Variants in NXPE4 observed in about 807,000 individuals in gnomAD.
The protein encoded by NXPE4 is NXPE family member 4.
A neutral mutation model predicts 33.3 loss-of-function variants in NXPE4; 42 were observed. The ratio of observed to expected loss-of-function variants is 1.26; its 90% CI spans 0.98 to 1.63. The LOEUF is 1.63. Among genes scored for constraint, NXPE4 ranks in the 40% most tolerant of loss-of-function variants. NXPE4 has a pLI of 0.00. For missense variants in NXPE4, 709 were observed against 647.6 expected, an observed-to-expected ratio of 1.09 and a Z score of -1.03; for synonymous variants, 253 against 234.9, an observed-to-expected ratio of 1.08 and a Z score of -0.71.
chr11:114,638,950 T>C, the NXPE4 span, among the ~76,000 whole-genome samples: 7 of 152,102 alleles, frequency 4.6e-5, no homozygotes, highest in Admixed American at 3.3e-4. Context: ...TCTGCCCATT[T>C]TCAGATCTCC....
At chr11:114,633,587 A>G in the NXPE4 span, among the ~76,000 whole-genome samples, 1 of 151,412 alleles carries the variant, frequency 6.6e-6, no homozygotes, top group Non-Finnish European at 1.5e-5. Context: ...AGCATTAGGT[A>G]TATCTCATAA....
the NXPE4 span, among the ~76,000 whole-genome samples, chr11:114,660,203 T>G: frequency 6.6e-6 from 1 of 152,004 alleles, no homozygotes; most frequent in Admixed American, 6.6e-5. Flanking sequence ...GCCTAAATGG[T>G]TTTATTTGCA....
At chr11:114,592,031 A>G (rs1591354752) in intron 2 of NXPE4, among the ~76,000 whole-genome samples, 1 of 152,218 alleles carries the variant, frequency 6.6e-6, no homozygotes, top group Non-Finnish European at 1.5e-5. Context: ...GTACCTCAAA[A>G]CAATAAAAAA....
the NXPE4 span, among the ~76,000 whole-genome samples, chr11:114,663,586 CATCTATCTATCTATCT>C: frequency 1.3e-4 from 17 of 132,990 alleles, no homozygotes; most frequent in African/African-American, 3.4e-4. Flanking sequence ...CTCTATCTAT[CATCTATCTATCTATCT>C]ATCTATCTAT....
the NXPE4 span, among the ~76,000 whole-genome samples, chr11:114,633,719 G>GT: frequency 1.3e-5 from 2 of 151,602 alleles, no homozygotes; most frequent in Admixed American, 6.6e-5. Flanking sequence ...GTGGCGTTTG[G>GT]TTTTTTGTCC....
chr11:114,659,011 A>G, the NXPE4 span, among the ~76,000 whole-genome samples: 8 of 152,312 alleles, frequency 5.3e-5, no homozygotes, highest in Non-Finnish European at 8.8e-5. Context: ...AACACTGAGA[A>G]AAACCCTTTG....
the NXPE4 span, among the ~76,000 whole-genome samples, chr11:114,614,322 C>G: frequency 6.6e-6 from 1 of 151,490 alleles, no homozygotes; most frequent in East Asian, 2.0e-4. Context: ...CGTAGGTAAC[C>G]ACGGTTACCT....
At chr11:114,622,317 A>G in the NXPE4 span, among the ~76,000 whole-genome samples, 1 of 151,866 alleles carries the variant, frequency 6.6e-6, no homozygotes, top group South Asian at 2.1e-4. Context: ...CTCATGGGGA[A>G]CCACTGTTAC....
the NXPE4 span, among the ~76,000 whole-genome samples, chr11:114,610,734 G>A: frequency 6.6e-6 from 1 of 151,938 alleles, no homozygotes; most frequent in Admixed American, 6.6e-5. Context: ...GGTAACCACT[G>A]TTGCCCTTTG....
At chr11:114,571,536 T>G (rs1948886924) in intron 5 of NXPE4, 63 bp from the exon 6 acceptor site, 9 of 1,390,220 alleles carry the variant, frequency 6.5e-6, no homozygotes, top group Non-Finnish European at 8.8e-6. Flanking sequence ...TGAGTAGATA[T>G]AAAGATGGAA....
At chr11:114,633,027 T>C in the NXPE4 span, among the ~76,000 whole-genome samples, 1 of 111,418 alleles carries the variant, frequency 9.0e-6, no homozygotes, top group African/African-American at 3.7e-5. Flanking sequence ...ATATATAATG[T>C]AATATTTTAT....
chr11:114,616,947 G>C, the NXPE4 span, among the ~76,000 whole-genome samples: 1 of 146,674 alleles, frequency 6.8e-6, no homozygotes, highest in Non-Finnish European at 1.5e-5. Context: ...TTGCCTTGTG[G>C]GTATCCACTC....
At chr11:114,577,056 TAC>T (rs201632119) in intron 5 of NXPE4, among the ~76,000 whole-genome samples, 60 of 31,392 alleles carry the variant, frequency 1.9e-3, no homozygotes, top group African/African-American at 0.01. Context: ...TATATATATA[TAC>T]ATATATATAT....
the NXPE4 span, among the ~76,000 whole-genome samples, chr11:114,637,372 G>T: frequency 2.6e-5 from 4 of 151,938 alleles, no homozygotes; most frequent in South Asian, 8.3e-4. Flanking sequence ...CCTGTGAGAT[G>T]GGTTTCCTGA....
At chr11:114,676,966 A>G in the NXPE4 span, among the ~76,000 whole-genome samples, 986 of 152,182 alleles carry the variant, frequency 6.5e-3, 8 homozygotes, top group Non-Finnish European at 8.5e-3. Context: ...TTGCAACAAC[A>G]TGGGTGAACC....
At chr11:114,597,076 C>G (rs1949581489), upstream of NXPE4, among the ~76,000 whole-genome samples, 1 of 150,510 alleles carries the variant, frequency 6.6e-6, no homozygotes, top group African/African-American at 2.5e-5. Context: ...ATCTTGAAGT[C>G]TTTATACCAT....
At chr11:114,580,373 A>G in intron 4 of NXPE4, 35 bp from the exon 5 acceptor site, 3 of 1,571,340 alleles carry the variant, frequency 1.9e-6, no homozygotes, top group Non-Finnish European at 2.6e-6. Flanking sequence ...ATCTTCCAAA[A>G]CATCAAATTA....
intron 5 of NXPE4, among the ~76,000 whole-genome samples, chr11:114,572,456 A>T (rs581199): frequency 6.6e-6 from 1 of 152,184 alleles, no homozygotes; most frequent in Admixed American, 6.5e-5. Context: ...TCCAACTTAA[A>T]TTAAAAACAT....
At chr11:114,665,325 A>G in the NXPE4 span, among the ~76,000 whole-genome samples, 2 of 152,172 alleles carry the variant, frequency 1.3e-5, no homozygotes, top group Non-Finnish European at 2.9e-5. Context: ...TGTCGTGGTT[A>G]TAAGCCCATC....
Sources: gnomAD v4.1 joint callset for allele counts (sites outside exome capture counted in the v4.1 genomes callset) on GRCh38, gnomAD v4.1.1 for gene constraint, MANE v1.5 for transcripts, NCBI Gene and HGNC (gene_info 2026-07-23, HGNC 2026-07-21) for gene names.